PRKN: variants seen among roughly 807,000 people sequenced by gnomAD.
PRKN encodes the protein E3 ubiquitin-protein ligase parkin.
A neutral mutation model predicts 59.5 loss-of-function variants in PRKN; 56 were observed. That is an observed-to-expected ratio of 0.94 (90% CI 0.76 to 1.18). The LOEUF (loss-of-function observed/expected upper bound fraction) is 1.18. Ranked by LOEUF, PRKN falls within the 50% of genes most tolerant of loss-of-function variation. The probability of loss-of-function intolerance (pLI) is 0.00; values close to 1 mark genes in which losing one functional copy is unlikely to be tolerated. For synonymous variants in PRKN, 250 were observed against 222.1 expected (o/e 1.13, Z -1.12); for missense variants, 657 against 596.4 (o/e 1.10, Z -1.06).
intron 7 of PRKN, among the ~76,000 whole-genome samples, chr6:161,662,908 C>G (rs60259253): frequency 0.26 from 39,647 of 152,090 alleles, 5,517 homozygotes; most frequent in African/African-American, 0.36. Flanking sequence ...TGTCCCCACC[C>G]AAATTTCATC....
Position 162,443,455 on chromosome 6 carries a change from G to T in PRKN, c.26C>A (p.Ser9Tyr). MIVFVRFN[S>Y]SHGFPVEVDS... ...GACCTCCACTGGGAAACCATGGCTG[G>T]AGTTGAACCTGACAAACACTGACCA... Residue 9 changes from serine (S) to tyrosine (Y), a missense_variant, in exon 2 of 12, where the codon TCC (serine) becomes TAC (tyrosine). Transcript: ENST00000366898. 6.2e-7 allele frequency: 1 copy of T among 1,614,122 alleles called. No individual in the cohort carries two copies. The highest frequency in any genetic ancestry group is 8.5e-7 in the Non-Finnish European group (1 of 1,179,996).
At chr6:162,585,941 G>A (rs1199929730) in intron 1 of PRKN, among the ~76,000 whole-genome samples, 3 of 152,020 alleles carry the variant, frequency 2.0e-5, no homozygotes, top group African/African-American at 7.3e-5. Context: ...CTGACCTCAA[G>A]TGATCCACCC....
chr6:162,284,695 C>T (rs1024554257), intron 2 of PRKN, among the ~76,000 whole-genome samples: 2 of 152,114 alleles, frequency 1.3e-5, no homozygotes, highest in African/African-American at 4.8e-5. Context: ...TCAGGTCCTC[C>T]GTTTGAAGAC....
rs183497895 is a variant in PRKN, at chr6:162,097,200, G to A, written c.535-43026C>T. 4.7e-3 allele frequency among the ~76,000 whole-genome samples: 716 copies of A among 152,264 alleles called. 5 individuals carry two copies. The highest frequency in any genetic ancestry group is 0.016 in the African/African-American group (669 of 41,558). On this transcript the variant is annotated intron_variant, in intron 4 of 11. Coordinates refer to ENST00000366898, the MANE Select transcript of PRKN (RefSeq NM_004562.3). The stretch of plus-strand genomic sequence containing the variant: ...CAAAAATTATTATTTAACATGAAAA[G>A]AGCACGTATAGTATGATTTTTTTTA...
intron 1 of PRKN, among the ~76,000 whole-genome samples, chr6:162,719,945 A>G (rs143498439): frequency 0.011 from 1,644 of 151,858 alleles, 21 homozygotes; most frequent in African/African-American, 0.038. Flanking sequence ...AGAAACACAG[A>G]TATTACAAAT....
At chr6:162,426,176 C>T (rs752749872) in intron 2 of PRKN, among the ~76,000 whole-genome samples, 18 of 152,178 alleles carry the variant, frequency 1.2e-4, no homozygotes, top group Admixed American at 6.5e-5. Context: ...TGTCAGATAC[C>T]GCAAATTATA....
chr6:162,533,791 T>G (rs962184967), intron 1 of PRKN, among the ~76,000 whole-genome samples: 1 of 151,668 alleles, frequency 6.6e-6, no homozygotes. Context: ...GCCAACATGG[T>G]AAAACCCCAT....
chr6:162,432,981 C>G (rs1157645366), intron 2 of PRKN, among the ~76,000 whole-genome samples: 1 of 152,112 alleles, frequency 6.6e-6, no homozygotes, highest in Non-Finnish European at 1.5e-5. Flanking sequence ...AGACTTAACT[C>G]AAAGGAGTTC....
chr6:161,616,293 C>A (rs1782689532), intron 7 of PRKN, among the ~76,000 whole-genome samples: 1 of 152,164 alleles, frequency 6.6e-6, no homozygotes, highest in Non-Finnish European at 1.5e-5. Context: ...AGGGGAGGGG[C>A]CGGACTCATC....
intron 5 of PRKN, among the ~76,000 whole-genome samples, chr6:162,020,778 A>T (rs77280328): frequency 0.054 from 8,181 of 152,142 alleles, 768 homozygotes; most frequent in African/African-American, 0.19. Flanking sequence ...ATGCCATGAC[A>T]AACAAGAATA....
At chr6:161,565,812 T>C (rs1200950112) in intron 8 of PRKN, among the ~76,000 whole-genome samples, 3 of 152,144 alleles carry the variant, frequency 2.0e-5, no homozygotes, top group Non-Finnish European at 1.5e-5. Context: ...TAGCTTCCTG[T>C]TACACCAAGA....
At chr6:162,708,784 C>CTCCCAACAACAAGA (rs1778423689) in intron 1 of PRKN, among the ~76,000 whole-genome samples, 1 of 152,210 alleles carries the variant, frequency 6.6e-6, no homozygotes, top group South Asian at 2.1e-4. Context: ...GGAGAGCAGT[C>CTCCCAACAACAAGA]TTCCCTGGGC....
intron 8 of PRKN, among the ~76,000 whole-genome samples, chr6:161,567,022 GTTT>G (rs71917520): frequency 1.1e-5 from 1 of 87,106 alleles, no homozygotes; most frequent in African/African-American, 5.0e-5. Flanking sequence ...CACTGTCCTT[GTTT>G]TTTTTTTTTT....
intron 7 of PRKN, among the ~76,000 whole-genome samples, chr6:161,693,129 A>C (rs1432438544): frequency 6.6e-6 from 1 of 152,166 alleles, no homozygotes; most frequent in Admixed American, 6.5e-5. Context: ...AAACATAAAA[A>C]GGAGATAATT....
At chr6:162,399,492 T>C (rs1787649713) in intron 2 of PRKN, among the ~76,000 whole-genome samples, 1 of 152,090 alleles carries the variant, frequency 6.6e-6, no homozygotes, top group African/African-American at 2.4e-5. Context: ...CCCTCCACAA[T>C]ACATGTCCAT....
At chr6:161,939,328 G>T (rs1459665226) in intron 6 of PRKN, among the ~76,000 whole-genome samples, 1 of 143,056 alleles carries the variant, frequency 7.0e-6, no homozygotes, top group Admixed American at 7.5e-5. Context: ...TGAGGCAGGA[G>T]AATCACTTGA....
intron 5 of PRKN, among the ~76,000 whole-genome samples, chr6:162,023,282 T>G (rs1304218267): frequency 6.6e-6 from 1 of 152,120 alleles, no homozygotes; most frequent in Non-Finnish European, 1.5e-5. Context: ...AATTAGAGCG[T>G]CTACCTTGTT....
chr6:161,403,424 G>T (rs1787132345), intron 9 of PRKN, among the ~76,000 whole-genome samples: 1 of 152,102 alleles, frequency 6.6e-6, no homozygotes, highest in African/African-American at 2.4e-5. Context: ...AAGGCTAATA[G>T]CTCATAAAGG....
At position 161,578,864 on chromosome 6, in the gene PRKN, G is replaced by A. The variant is rs577487052; in HGVS notation, c.872-9448C>T. 6.6e-6 allele frequency among the ~76,000 whole-genome samples: 1 copy of A among 152,224 alleles called. No individual in the cohort carries two copies. The highest frequency in any genetic ancestry group is 2.4e-5 in the African/African-American group (1 of 41,468). ...AAACAACTTAAATATTTTGAATTGT[G>A]TGTATATTCTTGGCGCTTTGCCTTC... On this transcript the variant is annotated intron_variant, in intron 7 of 11. Transcript: ENST00000366898. This position sits in a 1 kb window ranked among gnomAD's most constrained non-coding sequence, Gnocchi z 4.2.
Sources: gnomAD v4.1 joint callset for allele counts (sites outside exome capture counted in the v4.1 genomes callset) on GRCh38, gnomAD v4.1.1 for gene constraint, Gnocchi (gnomAD v3.1) non-coding constraint, MANE v1.5 for transcripts, NCBI Gene and HGNC (gene_info 2026-07-23, HGNC 2026-07-21) for gene names.